The following NMU variants were observed in gnomAD, a reference collection of about 807,000 sequenced individuals.
The protein encoded by NMU is neuromedin-U.
In NMU, 29 loss-of-function variants were observed where a neutral mutation model predicts 35.4. The observed-to-expected ratio is 0.82, with a 90% CI of 0.61 to 1.12. NMU has a LOEUF of 1.12. NMU is among the 50% of genes most tolerant of loss of function. The pLI, the probability that NMU is intolerant of heterozygous loss-of-function variation, is 0.00. For missense variants in NMU, 199 were observed against 206.2 expected, an observed-to-expected ratio of 0.97 and a Z score of 0.21; for synonymous variants, 78 against 81.3, an observed-to-expected ratio of 0.96 and a Z score of 0.22.
chr4:55,632,404 GGTACTAA>G (rs1715651338), intron 1 of NMU, among the ~76,000 whole-genome samples: 1 of 151,946 alleles, frequency 6.6e-6, no homozygotes, highest in Admixed American at 6.5e-5. Context: ...CATTTTCTGT[GGTACTAA>G]GCATTAGAAA....
At chr4:55,603,089 C>T (rs1454408346) in intron 7 of NMU, among the ~76,000 whole-genome samples, 1 of 152,116 alleles carries the variant, frequency 6.6e-6, no homozygotes, top group Non-Finnish European at 1.5e-5. Flanking sequence ...CCTCTGCCTC[C>T]CTGGTTCAAA....
At chr4:55,626,021 C>G (rs1335398943) in intron 2 of NMU, among the ~76,000 whole-genome samples, 2 of 152,140 alleles carry the variant, frequency 1.3e-5, no homozygotes, top group Non-Finnish European at 2.9e-5. Context: ...TTTGGGCTAT[C>G]TACCCAGGAG....
chr4:55,605,651 C>T (rs1733652970), intron 6 of NMU, among the ~76,000 whole-genome samples: 1 of 152,198 alleles, frequency 6.6e-6, no homozygotes, highest in Non-Finnish European at 1.5e-5. Flanking sequence ...CCCTCACTGC[C>T]TCTTTGAGAG....
At chr4:55,607,896 C>T (rs572192252) in intron 4 of NMU, among the ~76,000 whole-genome samples, 3 of 152,204 alleles carry the variant, frequency 2.0e-5, no homozygotes, top group South Asian at 2.1e-4. Flanking sequence ...TTTAGCCGGG[C>T]GCGGTGGCTT....
chr4:55,619,328 C>G (rs900049431), intron 2 of NMU, among the ~76,000 whole-genome samples: 2 of 141,194 alleles, frequency 1.4e-5, no homozygotes, highest in African/African-American at 5.2e-5. Context: ...CGAGCCGAAG[C>G]AGGGCGAGGC....
Position 55,636,221 on chromosome 4 carries a change from G to C in NMU, c.-29C>G, listed in dbSNP as rs1023654592. 1.5e-5 allele frequency: 21 copies of C among 1,446,780 alleles called. No individual in the cohort carries two copies. Among genetic ancestry groups the C allele is most frequent in the Middle Eastern group, 2.5e-4 (1 of 3,960 alleles). 89.6% of individuals were successfully genotyped at this position (1,446,780 alleles called of 1,614,324 possible). A position where few individuals can be genotyped will look rare whatever the true frequency, so the allele number is the denominator to read the frequency against. On this transcript the variant is annotated 5_prime_UTR_variant, in exon 1 of 10. Transcript: ENST00000264218. This position sits in a 1 kb window ranked among gnomAD's most constrained non-coding sequence, Gnocchi z 4.0. ...GGCGGCTGCGGGAGGCTCGGTGCTA[G>C]GGACGCTGCGCTGCGCCACGCGTAG...
At chr4:55,636,479 C>T, upstream of NMU, 1 of 391,278 alleles carries the variant, frequency 2.6e-6, no homozygotes, top group Non-Finnish European at 4.5e-6. The surrounding 1 kb of genome is among the most constrained non-coding windows in gnomAD (Gnocchi z 4.0). Context: ...AGTTTCTGAC[C>T]CGAGTACCAC....
chr4:55,596,042 A>C (rs1342468578), intron 9 of NMU, among the ~76,000 whole-genome samples: 4 of 152,152 alleles, frequency 2.6e-5, no homozygotes, highest in Non-Finnish European at 5.9e-5. Flanking sequence ...AACTATTTAA[A>C]AGTGATTTCC....
intron 3 of NMU, among the ~76,000 whole-genome samples, chr4:55,616,135 C>A (rs969327061): frequency 6.6e-6 from 1 of 152,096 alleles, no homozygotes; most frequent in East Asian, 1.9e-4. Context: ...ATATTGTCTG[C>A]AAATCTATTT....
At chr4:55,608,562 T>A (rs1280469269) in intron 4 of NMU, among the ~76,000 whole-genome samples, 2 of 152,144 alleles carry the variant, frequency 1.3e-5, no homozygotes, top group East Asian at 3.8e-4. Flanking sequence ...AATAAGTTCA[T>A]CCATAAGATA....
chr4:55,596,071 A>G (rs1733168812), intron 9 of NMU, among the ~76,000 whole-genome samples: 1 of 152,188 alleles, frequency 6.6e-6, no homozygotes, highest in Non-Finnish European at 1.5e-5. Context: ...ATTAATACCA[A>G]TAAGATTTAT....
chr4:55,609,282 C>T, intron 3 of NMU, 103 bp from the exon 4 acceptor site: 22 of 835,542 alleles, frequency 2.6e-5, no homozygotes, highest in South Asian at 2.5e-4. Flanking sequence ...ATGCTAACTA[C>T]CTGGAAAAGA....
chr4:55,602,085 A>T (rs888954935), intron 7 of NMU, among the ~76,000 whole-genome samples: 1 of 152,234 alleles, frequency 6.6e-6, no homozygotes, highest in Non-Finnish European at 1.5e-5. Flanking sequence ...ATGTAAATTT[A>T]AATGTGCCAA....
chr4:55,614,051 T>C (rs1011134842), intron 3 of NMU, among the ~76,000 whole-genome samples: 4 of 152,252 alleles, frequency 2.6e-5, no homozygotes, highest in African/African-American at 9.6e-5. Context: ...GATGCATCTG[T>C]ATTAGTTTAG....
In NMU at chr4:55,636,207, G is replaced by A. The variant is rs1039699015; in HGVS notation, c.-15C>T. 1.4e-6 allele frequency: 2 copies of A among 1,477,580 alleles called. No homozygotes were observed. Among genetic ancestry groups the A allele is most frequent in the Non-Finnish European group, 1.8e-6 (2 of 1,123,408 alleles). 91.5% of individuals were successfully genotyped at this position (1,477,580 alleles called of 1,614,324 possible). Reference sequence around the variant, plus strand: ...GTTCGCAGCATCTCGGCGGCTGCGGGAGGCTCGGTGCTAGGGACGCTGCGC... The same window carrying A: ...GTTCGCAGCATCTCGGCGGCTGCGGAAGGCTCGGTGCTAGGGACGCTGCGC... On this transcript the variant is annotated 5_prime_UTR_variant, in exon 1 of 10. Transcript: ENST00000264218. The surrounding 1 kb of genome is among the most constrained non-coding windows in gnomAD (Gnocchi z 4.0).
At chr4:55,627,187 C>T (rs1734567790) in intron 2 of NMU, among the ~76,000 whole-genome samples, 2 of 152,086 alleles carry the variant, frequency 1.3e-5, no homozygotes, top group African/African-American at 4.8e-5. Flanking sequence ...GACTGCTATT[C>T]TCTCCAAGCT....
chr4:55,596,336 T>C (rs1294120058), intron 9 of NMU, among the ~76,000 whole-genome samples: 1 of 148,582 alleles, frequency 6.7e-6, no homozygotes, highest in Non-Finnish European at 1.5e-5. Flanking sequence ...ATAATCTGAA[T>C]AAAGCAATTA....
chr4:55,630,501 T>A, intron 1 of NMU, 41 bp from the exon 2 acceptor site: 1 of 1,478,018 alleles, frequency 6.8e-7, no homozygotes, highest in Non-Finnish European at 9.5e-7. Flanking sequence ...TTTATAGCAT[T>A]TCTTCTAAAA....
intron 2 of NMU, 108 bp from the exon 3 acceptor site, chr4:55,616,493 A>G: frequency 1.2e-6 from 1 of 847,258 alleles, no homozygotes; most frequent in Middle Eastern, 3.1e-4. Context: ...CAGTTCCATG[A>G]TAGTTTAGGA....
Sources: allele counts gnomAD v4.1 joint callset (sites outside exome capture counted in the v4.1 genomes callset), GRCh38; gene constraint gnomAD v4.1.1; non-coding constraint Gnocchi (gnomAD v3.1); transcripts MANE v1.5; gene names NCBI Gene and HGNC (gene_info 2026-07-23, HGNC 2026-07-21).